The following USP12 variants were observed in gnomAD, a reference collection of about 807,000 sequenced individuals.
USP12 encodes the protein ubiquitin specific peptidase 12.
USP12 carries 19 observed loss-of-function variants against 45.5 expected under a neutral mutation model. The observed-to-expected ratio is 0.42, with a 90% CI of 0.29 to 0.61. The LOEUF (loss-of-function observed/expected upper bound fraction) is 0.61. USP12 is among the 20% of genes least tolerant of loss of function. The pLI is 0.22. For synonymous variants in USP12, 149 were observed against 148.8 expected (o/e 1.00, Z -0.01); for missense variants, 242 against 447.7 (o/e 0.54, Z 4.15).
In USP12 at chr13:27,171,603, TG is replaced by T; in HGVS notation, c.36del (p.Ile13SerfsTer11). 1 of 1,273,636 alleles carries T rather than the reference TG, an allele frequency of 7.9e-7. No homozygotes were observed. The highest frequency in any genetic ancestry group is 1.3e-5 in the South Asian group (1 of 76,256). 78.9% of individuals were successfully genotyped at this position (1,273,636 alleles called of 1,614,324 possible). On this transcript the variant is annotated frameshift_variant, in exon 1 of 9. Transcript: ENST00000282344. LOFTEE classifies it high-confidence loss of function. ...EILMTVSKFA[S>X]ICTMGANASA... The stretch of plus-strand genomic sequence containing the variant: ...TCGCCGCCACCTACCATGGTACAGA[TG>T]GAGGCGAATTTGGAGACTGTCATTA...
chr13:27,150,175 T>A (rs1322230723), intron 1 of USP12, among the ~76,000 whole-genome samples: 1 of 152,260 alleles, frequency 6.6e-6, no homozygotes, highest in African/African-American at 2.4e-5. Context: ...ACACATTGTA[T>A]ACCTGTATCA....
chr13:27,068,655 G>A lies in USP12; in HGVS notation c.*628C>T, dbSNP rs1164356098. ...TACAAAGCCAGTCTTTCCCCTTGGG[G>A]AAACAAAAAGCCACTTTTGACCAAT... On this transcript the variant is annotated 3_prime_UTR_variant, in exon 9 of 9. Coordinates refer to ENST00000282344, the MANE Select transcript of USP12 (RefSeq NM_182488.4). 1 of 152,134 alleles carries A rather than the reference G, an allele frequency of 6.6e-6. No individual in the cohort carries two copies. The highest frequency in any genetic ancestry group is 2.4e-5 in the African/African-American group (1 of 41,414). 9.4% of individuals were successfully genotyped at this position (152,134 alleles called of 1,614,324 possible). A position where few individuals can be genotyped will look rare whatever the true frequency, so the allele number is the denominator to read the frequency against.
intron 8 of USP12, among the ~76,000 whole-genome samples, chr13:27,070,780 C>T (rs144428948): frequency 0.015 from 2,207 of 152,104 alleles, 52 homozygotes; most frequent in African/African-American, 0.051. Context: ...CTCAAACTCC[C>T]GACCTCAGGT....
intron 1 of USP12, among the ~76,000 whole-genome samples, chr13:27,166,355 TA>T (rs887022593): frequency 6.6e-6 from 1 of 152,084 alleles, no homozygotes; most frequent in Admixed American, 6.5e-5. Context: ...CCTGAGACAA[TA>T]AAAGTTTCAG....
chr13:27,087,050 G>A (rs1160728611), intron 6 of USP12, among the ~76,000 whole-genome samples: 1 of 152,052 alleles, frequency 6.6e-6, no homozygotes, highest in Non-Finnish European at 1.5e-5. Context: ...AAATAACACA[G>A]ACATCTGTAC....
Position 27,171,710 on chromosome 13 carries a change from C to A in USP12, c.-71G>T. Reference sequence around the variant, plus strand: ...GGGGGAGGAGGGGAGCCGGGCCGCCCGCTCGCACCGCAGCCCGCGGGCGGA... The same window carrying A: ...GGGGGAGGAGGGGAGCCGGGCCGCCAGCTCGCACCGCAGCCCGCGGGCGGA... On this transcript the variant is annotated 5_prime_UTR_variant, in exon 1 of 9. Transcript: ENST00000282344. The A allele has an allele frequency of 9.8e-7, 1 of 1,019,446 alleles. No homozygotes were observed. The highest frequency in any genetic ancestry group is 1.2e-6 in the Non-Finnish European group (1 of 809,096). The allele number at this position is 1,019,446 out of a possible 1,614,324, so 63.2% of individuals were successfully genotyped here.
chr13:27,168,888 T>C (rs1053389962), intron 1 of USP12: 5 of 152,186 alleles, frequency 3.3e-5, no homozygotes, highest in Non-Finnish European at 5.9e-5. Flanking sequence ...TTATGTACAC[T>C]TCAGTACTTA....
intron 1 of USP12, among the ~76,000 whole-genome samples, chr13:27,168,157 C>A (rs939975824): frequency 6.6e-6 from 1 of 152,176 alleles, no homozygotes; most frequent in African/African-American, 2.4e-5. Context: ...CCACCATGTT[C>A]TAATGGATCT....
intron 1 of USP12, among the ~76,000 whole-genome samples, chr13:27,160,590 T>C (rs1878059928): frequency 6.6e-6 from 1 of 152,132 alleles, no homozygotes; most frequent in African/African-American, 2.4e-5. Context: ...TTTGGTCCGT[T>C]GTATCTAGTT....
At chr13:27,109,912 C>CAAAAAAAAAAAAAAAA (rs58500654) in intron 2 of USP12, among the ~76,000 whole-genome samples, 26 of 108,340 alleles carry the variant, frequency 2.4e-4, no homozygotes, top group African/African-American at 9.4e-4. Context: ...ACTCTGTCTC[C>CAAAAAAAAAAAAAAAA]AAAAAAAAAA....
rs1038939484 is a variant in USP12, at chr13:27,066,339, G to A, written c.*2944C>T. The A allele has an allele frequency of 6.6e-6, 1 of 152,346 alleles. No homozygotes were observed. Among genetic ancestry groups the A allele is most frequent in the African/African-American group, 2.4e-5 (1 of 41,438 alleles). 9.4% of individuals were successfully genotyped at this position (152,346 alleles called of 1,614,324 possible). ...AGAGAGGTTAAGTGACTTGCCCAAG[G>A]TCACACAGTTAAATTCACTGAAGAG... On this transcript the variant is annotated 3_prime_UTR_variant, in exon 9 of 9. Coordinates refer to ENST00000282344, the MANE Select transcript of USP12 (RefSeq NM_182488.4).
At chr13:27,125,683 A>G (rs118104983) in intron 1 of USP12, among the ~76,000 whole-genome samples, 7,294 of 152,320 alleles carry the variant, frequency 0.048, 206 homozygotes, top group Admixed American at 0.082. Flanking sequence ...CAAGGGGTCA[A>G]GGGATTTCCC....
chr13:27,094,758 C>G (rs540319369), intron 4 of USP12, among the ~76,000 whole-genome samples: 1 of 151,894 alleles, frequency 6.6e-6, no homozygotes, highest in East Asian at 1.9e-4. Flanking sequence ...AAAAAAAGAC[C>G]ATGTAAATGT....
intron 1 of USP12, among the ~76,000 whole-genome samples, chr13:27,142,315 A>AGACG (rs1291995251): frequency 6.6e-6 from 1 of 152,256 alleles, no homozygotes; most frequent in Non-Finnish European, 1.5e-5. Context: ...AAGTCGATAA[A>AGACG]GACGAAAAAA....
rs549509070 is a variant in USP12 at position 27,132,433 on chromosome 13, AAAAAG to A, written c.49-15842_49-15838del. Among the ~76,000 whole-genome samples the A allele has an allele frequency of 6.1e-3, 933 of 152,262 alleles. 5 individuals are homozygous for A. Among genetic ancestry groups the A allele is most frequent in the Middle Eastern group, 0.014 (4 of 294 alleles). On this transcript the variant is annotated intron_variant, in intron 1 of 8. Transcript: ENST00000282344. ...TAAAAAGCAGTACAGGAAGGCAAAA[AAAAAG>A]AAAAGAAAAAGAAAAAGCAAAGGAA...
chr13:27,068,078 G>A lies in USP12; in HGVS notation c.*1205C>T, dbSNP rs1873078847. Reference sequence around the variant, plus strand: ...TCTACTTGATTAAAATTTAATCTTTGAAGGGTTTGTTTAGCTCACTATCCA... The same window carrying A: ...TCTACTTGATTAAAATTTAATCTTTAAAGGGTTTGTTTAGCTCACTATCCA... On this transcript the variant is annotated 3_prime_UTR_variant, in exon 9 of 9. Transcript: ENST00000282344. 6.6e-6 allele frequency: 1 copy of A among 152,180 alleles called. No homozygotes were observed. The highest frequency in any genetic ancestry group is 1.5e-5 in the Non-Finnish European group (1 of 68,010). 9.4% of individuals were successfully genotyped at this position (152,180 alleles called of 1,614,324 possible).
At chr13:27,139,643 T>C (rs984776836) in intron 1 of USP12, among the ~76,000 whole-genome samples, 2 of 152,154 alleles carry the variant, frequency 1.3e-5, no homozygotes, top group Admixed American at 1.3e-4. Context: ...GTCACTCTTG[T>C]ATAAACTGAT....
rs540986755 is a variant in USP12, at chr13:27,155,656, G to A, written c.48+15936C>T. On this transcript the variant is annotated intron_variant, in intron 1 of 8. Coordinates refer to ENST00000282344, the MANE Select transcript of USP12 (RefSeq NM_182488.4). Reference sequence around the variant, plus strand: ...AGTAGTAAATATATAACCCTGAGGCGGAACATATTAAAAAATGGAAAATAA... The same window carrying A: ...AGTAGTAAATATATAACCCTGAGGCAGAACATATTAAAAAATGGAAAATAA... Among the ~76,000 whole-genome samples the A allele has an allele frequency of 1.1e-4, 16 of 152,036 alleles. No individual in the cohort carries two copies. In the East Asian group the frequency reaches 1.2e-3, roughly 11 times the overall value.
chr13:27,146,878 C>T (rs1877331777), intron 1 of USP12, among the ~76,000 whole-genome samples: 1 of 152,154 alleles, frequency 6.6e-6, no homozygotes. Flanking sequence ...AATTCCTAAT[C>T]CAGTATGACT....
Sources: allele counts gnomAD v4.1 joint callset (sites outside exome capture counted in the v4.1 genomes callset), GRCh38; gene constraint gnomAD v4.1.1; transcripts MANE v1.5; gene names NCBI Gene and HGNC (gene_info 2026-07-23, HGNC 2026-07-21).